The following KCNMA1 variants were observed in gnomAD, a reference collection of about 807,000 sequenced individuals.
KCNMA1 encodes the protein potassium calcium-activated channel subfamily M alpha 1, also known as Calcium-activated potassium channel subunit alpha-1.
KCNMA1 carries 29 observed loss-of-function variants against 140.0 expected under a neutral mutation model. The ratio of observed to expected loss-of-function variants is 0.21; its 90% CI spans 0.15 to 0.28. The LOEUF (loss-of-function observed/expected upper bound fraction) is 0.28. Ranked by LOEUF, KCNMA1 falls within the 10% of genes least tolerant of loss-of-function variation. The pLI is 1.00. For missense variants in KCNMA1, 880 were observed against 1,602.2 expected, an observed-to-expected ratio of 0.55 and a Z score of 7.70; for synonymous variants, 612 against 611.9, an observed-to-expected ratio of 1.00 and a Z score of 0.00.
chr10:77,223,121 C>T (rs1454740091), intron 3 of KCNMA1, among the ~76,000 whole-genome samples: 1 of 151,374 alleles, frequency 6.6e-6, no homozygotes. Context: ...CCCAGCTACT[C>T]GGGAGGCTGA....
intron 3 of KCNMA1, among the ~76,000 whole-genome samples, chr10:77,194,801 T>A (rs186269313): frequency 2.7e-4 from 41 of 152,230 alleles, no homozygotes; most frequent in Admixed American, 5.2e-4. Context: ...TGCTGAAGAC[T>A]TGCTGATCCT....
At chr10:77,161,267 A>G (rs2098551224) in intron 5 of KCNMA1, among the ~76,000 whole-genome samples, 1 of 152,180 alleles carries the variant, frequency 6.6e-6, no homozygotes, top group African/African-American at 2.4e-5. Flanking sequence ...TGTTTAAGAG[A>G]CAGGGTCTCT....
intron 25 of KCNMA1, chr10:76,901,632 G>A (rs1589983275): frequency 1.3e-5 from 2 of 152,250 alleles, no homozygotes; most frequent in East Asian, 3.8e-4. Context: ...GAAAGTCAAA[G>A]AGTGCATGAC....
intron 3 of KCNMA1, among the ~76,000 whole-genome samples, chr10:77,229,609 G>A (rs1009705264): frequency 6.6e-6 from 1 of 152,214 alleles, no homozygotes; most frequent in Non-Finnish European, 1.5e-5. Flanking sequence ...TTCCTGGGAA[G>A]AGGGAGATCT....
Position 77,371,084 on chromosome 10 carries a change from C to T in KCNMA1, c.540+32778G>A, listed in dbSNP as rs546129023. Reference sequence around the variant, plus strand: ...TCTCATCAGAAATACAGGCTAGCACCGCCCAGCGTTCTTTAAAGACAGCCA... The same window carrying T: ...TCTCATCAGAAATACAGGCTAGCACTGCCCAGCGTTCTTTAAAGACAGCCA... On this transcript the variant is annotated intron_variant, in intron 2 of 27. Coordinates refer to ENST00000286628, the MANE Select transcript of KCNMA1 (RefSeq NM_001161352.2). Among the ~76,000 whole-genome samples the T allele has an allele frequency of 2.1e-3, 323 of 152,282 alleles. 2 individuals are homozygous for T. Among genetic ancestry groups the T allele is most frequent in the Non-Finnish European group, 3.2e-3 (221 of 68,030 alleles).
At position 76,995,709 on chromosome 10, in the gene KCNMA1, C is replaced by T. The variant is rs138875181; in HGVS notation, c.2266+5698G>A. 52 of 470,254 alleles carry T rather than the reference C, an allele frequency of 1.1e-4. No individual in the cohort carries two copies. The East Asian group carries it at 2.9e-3, about 26-fold the overall frequency. The allele number at this position is 470,254 out of a possible 1,614,324, so 29.1% of individuals were successfully genotyped here. A position where few individuals can be genotyped will look rare whatever the true frequency, so the allele number is the denominator to read the frequency against. ...GGATGAGTATCCTGAGAACCGGCCA[C>T]TGTCCTGAAATAAAAAAGCAAACAT... On this transcript the variant is annotated intron_variant, in intron 19 of 27. Coordinates refer to ENST00000286628, the MANE Select transcript of KCNMA1 (RefSeq NM_001161352.2).
chr10:77,560,649 C>T (rs2066057873), intron 1 of KCNMA1, among the ~76,000 whole-genome samples: 2 of 152,184 alleles, frequency 1.3e-5, no homozygotes, highest in Admixed American at 1.3e-4. Flanking sequence ...GAGCTGTGCT[C>T]AAGTGGTCTC....
chr10:77,265,671 C>T (rs2063232265), intron 2 of KCNMA1, among the ~76,000 whole-genome samples: 1 of 152,108 alleles, frequency 6.6e-6, no homozygotes, highest in Non-Finnish European at 1.5e-5. Context: ...ACAATGCCAG[C>T]AAGGTGTTTG....
intron 2 of KCNMA1, among the ~76,000 whole-genome samples, chr10:77,398,338 C>A (rs1353005045): frequency 6.6e-6 from 1 of 152,198 alleles, no homozygotes; most frequent in African/African-American, 2.4e-5. Context: ...TGATCCTTTT[C>A]TCCACATCCT....
At chr10:77,352,868 C>G (rs953717562) in intron 2 of KCNMA1, among the ~76,000 whole-genome samples, 1 of 152,178 alleles carries the variant, frequency 6.6e-6, no homozygotes, top group Non-Finnish European at 1.5e-5. Context: ...AGTACAGACA[C>G]ATTAGAGGCA....
intron 2 of KCNMA1, among the ~76,000 whole-genome samples, chr10:77,283,442 A>G (rs1033786743): frequency 1.3e-5 from 2 of 152,170 alleles, no homozygotes; most frequent in African/African-American, 4.8e-5. Flanking sequence ...GCTAACCAAG[A>G]TGGTGCCTGT....
intron 8 of KCNMA1, among the ~76,000 whole-genome samples, chr10:77,109,053 T>C (rs1349599325): frequency 2.9e-5 from 4 of 136,480 alleles, no homozygotes; most frequent in Non-Finnish European, 5.1e-5. Flanking sequence ...ACTACATTTT[T>C]CTATTAAAAA....
At chr10:77,203,278 C>A (rs2043013417) in intron 3 of KCNMA1, among the ~76,000 whole-genome samples, 1 of 152,140 alleles carries the variant, frequency 6.6e-6, no homozygotes, top group African/African-American at 2.4e-5. Flanking sequence ...AGAAGACTCC[C>A]AGAAATATTT....
intron 1 of KCNMA1, among the ~76,000 whole-genome samples, chr10:77,626,330 G>A (rs1164603957): frequency 2.0e-5 from 3 of 152,022 alleles, no homozygotes; most frequent in African/African-American, 7.2e-5. Flanking sequence ...GCTGCCACAA[G>A]CCACAGGAGA....
chr10:76,927,274 T>G (rs1407378530), intron 23 of KCNMA1, among the ~76,000 whole-genome samples: 1 of 152,162 alleles, frequency 6.6e-6, no homozygotes, highest in Non-Finnish European at 1.5e-5. Flanking sequence ...AGGAAGTACT[T>G]TCTCCAAAGT....
At chr10:77,539,478 G>A (rs2059681126) in intron 1 of KCNMA1, among the ~76,000 whole-genome samples, 2 of 152,306 alleles carry the variant, frequency 1.3e-5, no homozygotes, top group Admixed American at 6.5e-5. Context: ...ATTGAGCTTG[G>A]GGACCGAAAC....
chr10:77,435,733 C>T (rs1189560584), intron 1 of KCNMA1, among the ~76,000 whole-genome samples: 1 of 152,216 alleles, frequency 6.6e-6, no homozygotes, highest in Non-Finnish European at 1.5e-5. Context: ...AAAGACAGCA[C>T]CTAAACAACA....
intron 21 of KCNMA1, chr10:76,952,091 G>A: frequency 1.3e-6 from 2 of 1,552,172 alleles, no homozygotes; most frequent in South Asian, 1.2e-5. Flanking sequence ...CAGTTGGCAT[G>A]CATACTACAC....
intron 1 of KCNMA1, among the ~76,000 whole-genome samples, chr10:77,621,479 C>T (rs571420694): frequency 1.6e-4 from 25 of 151,948 alleles, no homozygotes; most frequent in African/African-American, 6.0e-4. Flanking sequence ...TGCTGGTCCC[C>T]CATGCTCTCT....
Sources: allele counts gnomAD v4.1 joint callset (sites outside exome capture counted in the v4.1 genomes callset), GRCh38; gene constraint gnomAD v4.1.1; transcripts MANE v1.5; gene names NCBI Gene and HGNC (gene_info 2026-07-23, HGNC 2026-07-21).